The following MARCHF5 variants were observed in gnomAD, a reference collection of about 807,000 sequenced individuals.
The protein encoded by MARCHF5 is E3 ubiquitin-protein ligase MARCHF5.
In MARCHF5, 5 loss-of-function variants were observed where a neutral mutation model predicts 36.5. The observed-to-expected ratio is 0.14, with a 90% CI of 0.07 to 0.29. MARCHF5 has a LOEUF of 0.29. Among genes scored for constraint, MARCHF5 ranks in the 10% least tolerant of loss-of-function variants. The pLI is 1.00. For synonymous variants in MARCHF5, 103 were observed against 109.9 expected, an observed-to-expected ratio of 0.94 and a Z score of 0.39; for missense variants, 179 against 336.3, an observed-to-expected ratio of 0.53 and a Z score of 3.66.
chr10:92,321,131 A>G (rs1843284688), intron 2 of MARCHF5, among the ~76,000 whole-genome samples: 1 of 152,098 alleles, frequency 6.6e-6, no homozygotes, highest in East Asian at 1.9e-4. Context: ...GTGTGTAAAT[A>G]GGCTACACCA....
At position 92,349,587 on chromosome 10, in the gene MARCHF5, A is replaced by G. The variant is rs929328222; in HGVS notation, c.553+55A>G. On this transcript the variant is annotated intron_variant, in intron 4 of 5. Coordinates refer to ENST00000358935, the MANE Select transcript of MARCHF5 (RefSeq NM_017824.5). ...CATACCAAATTGATCTTGAAGAACA[A>G]TAACATGCTTTTTTAGCCATGTTTG... The G allele has an allele frequency of 5.0e-6, 8 of 1,596,320 alleles. No individual in the cohort carries two copies. In the Admixed American group the frequency reaches 6.9e-5, roughly 14 times the overall value.
At chr10:92,338,046 C>T (rs1245767638) in intron 2 of MARCHF5, among the ~76,000 whole-genome samples, 2 of 151,586 alleles carry the variant, frequency 1.3e-5, no homozygotes, top group Non-Finnish European at 2.9e-5. Flanking sequence ...GAAAATTAGC[C>T]AAGCATGGTG....
chr10:92,338,328 T>C (rs988703611), intron 2 of MARCHF5, among the ~76,000 whole-genome samples: 1 of 152,186 alleles, frequency 6.6e-6, no homozygotes, highest in East Asian at 1.9e-4. Flanking sequence ...TCTGAAGGAG[T>C]TATAAACTTA....
At chr10:92,344,850 C>T (rs1378862160) in intron 3 of MARCHF5, among the ~76,000 whole-genome samples, 2 of 151,792 alleles carry the variant, frequency 1.3e-5, no homozygotes, top group African/African-American at 2.4e-5. Flanking sequence ...TTTTTTTTCT[C>T]GGCACTGTAT....
rs955536242 is a variant in MARCHF5 at position 92,353,401 on chromosome 10, C to G, written c.*2194C>G. 7.9e-5 allele frequency: 12 copies of G among 152,156 alleles called. No homozygotes were observed. Among genetic ancestry groups the G allele is most frequent in the Non-Finnish European group, 1.3e-4 (9 of 68,038 alleles). 9.4% of individuals were successfully genotyped at this position (152,156 alleles called of 1,614,324 possible). ...TTTTGGCTAAAGGATTTGACTTTCTCTCAACTGCAGTTTTCTTAATCTTTG... is the reference window on the plus strand; with the variant it reads ...TTTTGGCTAAAGGATTTGACTTTCTGTCAACTGCAGTTTTCTTAATCTTTG... On this transcript the variant is annotated 3_prime_UTR_variant, in exon 6 of 6. Coordinates refer to ENST00000358935, the MANE Select transcript of MARCHF5 (RefSeq NM_017824.5).
rs1590637596 is a variant in MARCHF5, at chr10:92,291,361, C to T, written c.-134C>T. 1.2e-6 allele frequency: 1 copy of T among 809,574 alleles called. No individual in the cohort carries two copies. Among genetic ancestry groups the T allele is most frequent in the African/African-American group, 1.8e-5 (1 of 56,222 alleles). 50.1% of individuals were successfully genotyped at this position (809,574 alleles called of 1,614,324 possible). A position where few individuals can be genotyped will look rare whatever the true frequency, so the allele number is the denominator to read the frequency against. The stretch of plus-strand genomic sequence containing the variant: ...CCGCCGCCAGGCTAGCGGAGCTGCC[C>T]CGGGAAGCTGGGTGACGGGTTCGCG... On this transcript the variant is annotated 5_prime_UTR_variant, in exon 1 of 6. Coordinates refer to ENST00000358935, the MANE Select transcript of MARCHF5 (RefSeq NM_017824.5).
intron 3 of MARCHF5, among the ~76,000 whole-genome samples, chr10:92,347,998 T>C (rs1313427715): frequency 4.4e-5 from 6 of 137,810 alleles, no homozygotes; most frequent in East Asian, 4.5e-4. Flanking sequence ...GCCTGACCAA[T>C]GTGGAGAAAC....
At chr10:92,293,755 C>A (rs1166293400) in intron 1 of MARCHF5, among the ~76,000 whole-genome samples, 1 of 151,874 alleles carries the variant, frequency 6.6e-6, no homozygotes, top group East Asian at 1.9e-4. Flanking sequence ...GTACTCCAGC[C>A]TGAGTGACAG....
chr10:92,301,507 T>G (rs1590645622), intron 1 of MARCHF5, among the ~76,000 whole-genome samples: 2 of 152,180 alleles, frequency 1.3e-5, no homozygotes, highest in East Asian at 3.8e-4. Context: ...CACTTAACCT[T>G]TCTGGGCTTT....
intron 2 of MARCHF5, among the ~76,000 whole-genome samples, chr10:92,315,003 C>A (rs530853586): frequency 9.8e-5 from 15 of 152,320 alleles, no homozygotes; most frequent in African/African-American, 2.9e-4. Flanking sequence ...GTAAATGAAG[C>A]CATGTGTGAA....
At chr10:92,318,901 T>G (rs1366468958) in intron 2 of MARCHF5, among the ~76,000 whole-genome samples, 1 of 152,030 alleles carries the variant, frequency 6.6e-6, no homozygotes, top group Non-Finnish European at 1.5e-5. Context: ...GAGTTGGGGT[T>G]TCACCATGTT....
At chr10:92,322,981 C>T (rs1181057136) in intron 2 of MARCHF5, among the ~76,000 whole-genome samples, 2 of 152,038 alleles carry the variant, frequency 1.3e-5, no homozygotes, top group East Asian at 3.9e-4. Flanking sequence ...CGTGATCCAC[C>T]CACCTTGGCC....
At chr10:92,295,876 G>T (rs961651080) in intron 1 of MARCHF5, among the ~76,000 whole-genome samples, 2 of 150,914 alleles carry the variant, frequency 1.3e-5, no homozygotes, top group Admixed American at 1.3e-4. Flanking sequence ...TATATATATG[G>T]AATTTTTTTT....
rs2135199620 is a variant in MARCHF5 at position 92,325,211 on chromosome 10, A to G, written c.238+13874A>G. 2.0e-5 allele frequency among the ~76,000 whole-genome samples: 3 copies of G among 152,278 alleles called. 1 individual carries two copies. In the East Asian group the frequency reaches 5.8e-4, roughly 29 times the overall value. On this transcript the variant is annotated intron_variant, in intron 2 of 5. Transcript: ENST00000358935. ...AAAAACTTTAGCCAGGCATGGTGGC[A>G]CATGCCTGTGGTCTCTGCTAGCTCA...
At position 92,311,458 on chromosome 10, in the gene MARCHF5, CTT is replaced by C. The variant is rs531821196; in HGVS notation, c.238+122_238+123del. On this transcript the variant is annotated intron_variant, in intron 2 of 5. Transcript: ENST00000358935. ...GTGTGAATTTCTATATTCCCTTTCT[CTT>C]GTTTCCTCTCTGAATGTCAGACATT... 3,554 of 660,268 alleles carry C rather than the reference CTT, an allele frequency of 5.4e-3. 27 individuals carry two copies. The highest frequency in any genetic ancestry group is 0.024 in the Middle Eastern group (58 of 2,368). 40.9% of individuals were successfully genotyped at this position (660,268 alleles called of 1,614,324 possible).
Position 92,309,521 on chromosome 10 carries a change from A to T in MARCHF5, c.36-1614A>T, listed in dbSNP as rs567510907. Among the ~76,000 whole-genome samples, 88 of 152,326 alleles carry T rather than the reference A, an allele frequency of 5.8e-4. 1 individual carries two copies. In the South Asian group the frequency reaches 0.018, roughly 32 times the overall value. On this transcript the variant is annotated intron_variant, in intron 1 of 5. Coordinates refer to ENST00000358935, the MANE Select transcript of MARCHF5 (RefSeq NM_017824.5). ...GTGTTAAGAAAGTATGAGACTAAAG[A>T]GTCTCTAAATATTCTGCCAGTATTT... is the stretch of plus-strand genomic sequence containing the variant.
intron 2 of MARCHF5, among the ~76,000 whole-genome samples, chr10:92,338,025 A>T (rs917007571): frequency 1.3e-5 from 2 of 151,464 alleles, no homozygotes; most frequent in Non-Finnish European, 1.5e-5. Context: ...AAAAAAAAAA[A>T]TTTAAATAAA....
At chr10:92,341,729 C>T (rs967541655) in intron 3 of MARCHF5, among the ~76,000 whole-genome samples, 3 of 151,382 alleles carry the variant, frequency 2.0e-5, no homozygotes, top group Non-Finnish European at 4.4e-5. Context: ...ATTTATTCTC[C>T]GTCATCGTTC....
chr10:92,339,336 C>A (rs1013895646), intron 2 of MARCHF5, among the ~76,000 whole-genome samples: 1 of 151,988 alleles, frequency 6.6e-6, no homozygotes, highest in African/African-American at 2.4e-5. Flanking sequence ...CACCATTGCA[C>A]CCCAGACTGG....
Sources: gnomAD v4.1 joint callset for allele counts (sites outside exome capture counted in the v4.1 genomes callset) on GRCh38, gnomAD v4.1.1 for gene constraint, MANE v1.5 for transcripts, NCBI Gene and HGNC (gene_info 2026-07-23, HGNC 2026-07-21) for gene names.